The following PLD5 variants were observed in gnomAD, a reference collection of about 807,000 sequenced individuals.
PLD5 encodes inactive phospholipase D5.
In PLD5, 36 loss-of-function variants were observed where a neutral mutation model predicts 61.1. That is an observed-to-expected ratio of 0.59 (90% CI 0.45 to 0.78). The LOEUF is 0.78. Ranked by LOEUF, PLD5 falls within the 30% of genes least tolerant of loss-of-function variation. The pLI is 0.00. For missense variants in PLD5, 515 were observed against 644.4 expected (o/e 0.80, Z 2.17); for synonymous variants, 243 against 242.8 (o/e 1.00, Z -0.01).
chr1:242,369,313 A>G (rs1322736945), intron 1 of PLD5, among the ~76,000 whole-genome samples: 1 of 152,158 alleles, frequency 6.6e-6, no homozygotes, highest in Non-Finnish European at 1.5e-5. Flanking sequence ...GCTTGCTTAC[A>G]TGGCAATTTG....
chr1:242,326,297 T>C lies in PLD5; in HGVS notation c.326+21809A>G, dbSNP rs546320748. 9.9e-5 allele frequency among the ~76,000 whole-genome samples: 15 copies of C among 151,870 alleles called. No homozygotes were observed. In the South Asian group the frequency reaches 3.1e-3, roughly 31 times the overall value. On this transcript the variant is annotated intron_variant, in intron 2 of 9. Coordinates refer to ENST00000536534, the MANE Select transcript of PLD5 (RefSeq NM_001372062.1). ...CACAAGTATCTGCTAAGTATATGCA[T>C]ACTAAAGATAAAGGTACTGCGGCTG...
chr1:242,476,207 T>C (rs1667591270), intron 1 of PLD5, among the ~76,000 whole-genome samples: 1 of 151,754 alleles, frequency 6.6e-6, no homozygotes, highest in South Asian at 2.1e-4. Context: ...ATACAAAAAT[T>C]AGCCAGACAT....
At chr1:242,513,831 G>A (rs1244922568) in intron 1 of PLD5, among the ~76,000 whole-genome samples, 2 of 152,180 alleles carry the variant, frequency 1.3e-5, no homozygotes, top group Non-Finnish European at 2.9e-5. Flanking sequence ...TGGCACATCC[G>A]TGGCACTCAA....
intron 1 of PLD5, among the ~76,000 whole-genome samples, chr1:242,386,938 A>G (rs1662635525): frequency 6.6e-6 from 1 of 152,204 alleles, no homozygotes; most frequent in Non-Finnish European, 1.5e-5. Flanking sequence ...TCAATTTGTC[A>G]TCACTGGAAG....
intron 1 of PLD5, among the ~76,000 whole-genome samples, chr1:242,502,088 A>T (rs1393800497): frequency 6.6e-6 from 1 of 152,128 alleles, no homozygotes; most frequent in Non-Finnish European, 1.5e-5. Context: ...CTACATACTA[A>T]GGATTCCCAA....
intron 1 of PLD5, among the ~76,000 whole-genome samples, chr1:242,444,772 C>T (rs192705684): frequency 0.077 from 623 of 8,084 alleles, 2 homozygotes; most frequent in Non-Finnish European, 0.13. Context: ...ATATATTTCT[C>T]CTAGGACACA....
rs374778441 is a variant in PLD5 at position 242,139,014 on chromosome 1, G to C, written c.736-14349C>G. 1.0e-3 allele frequency among the ~76,000 whole-genome samples: 154 copies of C among 152,266 alleles called. 7 individuals are homozygous for C. The South Asian group carries it at 0.032, about 31-fold the overall frequency. On this transcript the variant is annotated intron_variant, in intron 5 of 9. Coordinates refer to ENST00000536534, the MANE Select transcript of PLD5 (RefSeq NM_001372062.1). ...AGTCTTAGGACCTACTGTCAAATCT[G>C]ACTCAAGCATGCTGTCACTTTTTGC...
At chr1:242,421,249 T>A (rs1001361815) in intron 1 of PLD5, among the ~76,000 whole-genome samples, 14 of 150,724 alleles carry the variant, frequency 9.3e-5, no homozygotes, top group Non-Finnish European at 1.8e-4. Flanking sequence ...AAAGACCACA[T>A]CTTTTTGTTC....
At chr1:242,160,899 AAAAAAAGT>A (rs1385124514) in intron 5 of PLD5, among the ~76,000 whole-genome samples, 1 of 151,956 alleles carries the variant, frequency 6.6e-6, no homozygotes, top group East Asian at 1.9e-4. Flanking sequence ...AATAATAATT[AAAAAAAGT>A]TTATTTCATG....
intron 1 of PLD5, among the ~76,000 whole-genome samples, chr1:242,505,192 C>T (rs959773929): frequency 6.6e-6 from 1 of 152,104 alleles, no homozygotes; most frequent in Non-Finnish European, 1.5e-5. Flanking sequence ...GGAACATTAA[C>T]AATAATATGA....
chr1:242,354,411 C>T (rs115663722), intron 1 of PLD5, among the ~76,000 whole-genome samples: 3,241 of 152,240 alleles, frequency 0.021, 52 homozygotes, highest in East Asian at 0.033. Flanking sequence ...ACCCTGGGCA[C>T]GTGGCCAATA....
chr1:242,341,906 C>T (rs1278417374), intron 2 of PLD5, among the ~76,000 whole-genome samples: 1 of 147,082 alleles, frequency 6.8e-6, no homozygotes, highest in Non-Finnish European at 1.5e-5. Flanking sequence ...AAGAGTGAGC[C>T]AGCCTAGACC....
chr1:242,261,427 CA>C (rs1366398810), intron 4 of PLD5, among the ~76,000 whole-genome samples: 1 of 152,036 alleles, frequency 6.6e-6, no homozygotes, highest in Non-Finnish European at 1.5e-5. Context: ...AGAAAATCTC[CA>C]TGACCTTGTG....
chr1:242,212,344 G>GCT (rs1441758899), intron 5 of PLD5, among the ~76,000 whole-genome samples: 2 of 152,216 alleles, frequency 1.3e-5, no homozygotes, highest in African/African-American at 4.8e-5. Flanking sequence ...GCAATCAGAT[G>GCT]TATAAACCCA....
chr1:242,402,248 G>A (rs1239849808), intron 1 of PLD5, among the ~76,000 whole-genome samples: 1 of 152,164 alleles, frequency 6.6e-6, no homozygotes, highest in East Asian at 1.9e-4. Flanking sequence ...ATTATTCACA[G>A]TTTTATCACT....
At chr1:242,271,101 C>A (rs1010715184) in intron 3 of PLD5, among the ~76,000 whole-genome samples, 18 of 151,488 alleles carry the variant, frequency 1.2e-4, no homozygotes, top group African/African-American at 4.1e-4. Context: ...ATTAAAGAAC[C>A]ATATGGCCAT....
intron 1 of PLD5, among the ~76,000 whole-genome samples, chr1:242,414,067 T>C (rs1664696471): frequency 1.3e-5 from 2 of 152,052 alleles, no homozygotes; most frequent in South Asian, 4.2e-4. Context: ...TGAAACGCTA[T>C]TAAAATGGTC....
chr1:242,461,098 G>A (rs918713605), intron 1 of PLD5, among the ~76,000 whole-genome samples: 1 of 152,158 alleles, frequency 6.6e-6, no homozygotes, highest in African/African-American at 2.4e-5. Context: ...CCAAGATCGC[G>A]CCAGTGCACT....
intron 2 of PLD5, among the ~76,000 whole-genome samples, chr1:242,294,864 T>C (rs1187721845): frequency 3.3e-5 from 5 of 152,142 alleles, no homozygotes; most frequent in African/African-American, 9.7e-5. Flanking sequence ...CTTCTACATA[T>C]ACTGGCTAAA....
Sources: gnomAD v4.1 joint callset for allele counts (sites outside exome capture counted in the v4.1 genomes callset) on GRCh38, gnomAD v4.1.1 for gene constraint, MANE v1.5 for transcripts, NCBI Gene and HGNC (gene_info 2026-07-23, HGNC 2026-07-21) for gene names.